The following ALDH2 variants were observed in gnomAD, a reference collection of about 807,000 sequenced individuals.
ALDH2 encodes aldehyde dehydrogenase 2 family member, also known as aldehyde dehydrogenase, mitochondrial.
A neutral mutation model predicts 59.6 loss-of-function variants in ALDH2; 44 were observed. The ratio of observed to expected loss-of-function variants is 0.74; its 90% CI spans 0.58 to 0.95. The LOEUF is 0.95. ALDH2 is among the 40% of genes least tolerant of loss of function. The pLI is 0.00. For synonymous variants in ALDH2, 291 were observed against 284.0 expected, an observed-to-expected ratio of 1.02 and a Z score of -0.25; for missense variants, 570 against 696.3, an observed-to-expected ratio of 0.82 and a Z score of 2.04.
intron 4 of ALDH2, among the ~76,000 whole-genome samples, chr12:111,789,615 C>T (rs1310725215): frequency 6.6e-6 from 1 of 151,880 alleles, no homozygotes; most frequent in African/African-American, 2.4e-5. Context: ...TTTACAAGAA[C>T]CCCAGGCGAT....
At chr12:111,787,328 C>T (rs1278959655) in intron 4 of ALDH2, among the ~76,000 whole-genome samples, 1 of 152,230 alleles carries the variant, frequency 6.6e-6, no homozygotes, top group Non-Finnish European at 1.5e-5. Flanking sequence ...TTCTCCTCAG[C>T]TACACTGGCT....
At chr12:111,800,087 C>A in intron 11 of ALDH2, 24 bp downstream of exon 11, 1 of 1,597,572 alleles carries the variant, frequency 6.3e-7, no homozygotes. Flanking sequence ...AGCAGCCCCT[C>A]ACAACCCAAC....
intron 9 of ALDH2, among the ~76,000 whole-genome samples, chr12:111,794,997 C>G (rs2068391752): frequency 1.3e-5 from 2 of 152,254 alleles, no homozygotes; most frequent in African/African-American, 4.8e-5. Context: ...CCCATTCCTC[C>G]CCCTACCAGG....
intron 10 of ALDH2, 38 bp from the exon 11 acceptor site, chr12:111,799,868 G>C (rs369822900): frequency 6.3e-7 from 1 of 1,587,834 alleles, no homozygotes; most frequent in Non-Finnish European, 8.6e-7. Context: ...AGGTGCCTCC[G>C]TGTTGCCGAA....
chr12:111,771,746 G>T (rs1366961524), intron 1 of ALDH2, among the ~76,000 whole-genome samples: 1 of 152,184 alleles, frequency 6.6e-6, no homozygotes, highest in Non-Finnish European at 1.5e-5. Flanking sequence ...GCCTGAGTGG[G>T]CAGGACAGGA....
chr12:111,792,262 G>A (rs962197192), intron 8 of ALDH2, 99 bp downstream of exon 8: 38 of 945,978 alleles, frequency 4.0e-5, no homozygotes, highest in South Asian at 2.3e-4. Context: ...GCCCAATGGC[G>A]TTGGTTGCTG....
intron 1 of ALDH2, among the ~76,000 whole-genome samples, chr12:111,776,586 G>A (rs1319291681): frequency 2.0e-5 from 3 of 151,710 alleles, no homozygotes; most frequent in Admixed American, 6.6e-5. Context: ...CATGGTGAAA[G>A]CCCATCTCTA....
At chr12:111,784,908 A>C (rs1330312510) in intron 3 of ALDH2, among the ~76,000 whole-genome samples, 1 of 152,196 alleles carries the variant, frequency 6.6e-6, no homozygotes, top group Non-Finnish European at 1.5e-5. Context: ...AGCACTCTTA[A>C]CACATGTGAC....
At chr12:111,806,512 G>T (rs191935085) in intron 12 of ALDH2, among the ~76,000 whole-genome samples, 1 of 152,210 alleles carries the variant, frequency 6.6e-6, no homozygotes, top group Non-Finnish European at 1.5e-5. Flanking sequence ...CAGCTGTGGA[G>T]CAGGTGAGAA....
intron 12 of ALDH2, among the ~76,000 whole-genome samples, chr12:111,804,615 C>T (rs746964889): frequency 2.1e-4 from 32 of 151,996 alleles, no homozygotes; most frequent in South Asian, 6.2e-4. Flanking sequence ...GGTGTGGTGG[C>T]GTGCGCCTGT....
chr12:111,775,761 C>A, intron 1 of ALDH2: 1 of 443,784 alleles, frequency 2.3e-6, no homozygotes, highest in Non-Finnish European at 4.5e-6. Flanking sequence ...GGTTATAAAG[C>A]ATTTGGCCCA....
rs763423158 is a variant in ALDH2, at chr12:111,791,338, G to A, written c.714G>A (p.Val238=). The part of the protein sequence containing the change: ...AGFPPGVVNI[V]PGFGPTAGAA... The stretch of plus-strand genomic sequence containing the variant: ...TTCCCCCTGGTGTGGTCAACATTGT[G>A]CCTGGATTTGGCCCCACGGCTGGGG... The change falls in exon 7 of 13, where the codon GTG becomes GTA. Residue 238 remains valine, a synonymous_variant. Transcript: ENST00000261733. 1.1e-5 allele frequency: 17 copies of A among 1,614,010 alleles called. No homozygotes were observed. Among genetic ancestry groups the A allele is most frequent in the Non-Finnish European group, 1.4e-5 (16 of 1,180,016 alleles).
rs1164016538 is a variant in ALDH2, at chr12:111,767,039, C to T, written c.57C>T (p.Ala19=). Residue 19 remains alanine (A), a synonymous_variant, in exon 1 of 13, where the codon GCC becomes GCT. Transcript: ENST00000261733. Reference sequence around the variant, plus strand: ...GCCTGGGCCGCCGCCTCTTGTCAGCCGCCGCCACCCAGGCCGTGCCTGCCC... The same window carrying T: ...GCCTGGGCCGCCGCCTCTTGTCAGCTGCCGCCACCCAGGCCGTGCCTGCCC... ...GPRLGRRLLS[A]AATQAVPAPN... 4 of 1,527,608 alleles carry T rather than the reference C, an allele frequency of 2.6e-6. No individual in the cohort carries two copies. The highest frequency in any genetic ancestry group is 3.5e-6 in the Non-Finnish European group (4 of 1,143,302). 94.6% of individuals were successfully genotyped at this position (1,527,608 alleles called of 1,614,324 possible).
At chr12:111,792,022 C>T (rs764444201) in intron 7 of ALDH2, 39 bp from the exon 8 acceptor site, 124 of 1,352,662 alleles carry the variant, frequency 9.2e-5, no homozygotes, top group South Asian at 1.4e-4. Flanking sequence ...TCTTTTCTCC[C>T]GGCACTGAGA....
chr12:111,781,065 C>T (rs535214463), intron 1 of ALDH2, among the ~76,000 whole-genome samples: 3 of 152,086 alleles, frequency 2.0e-5, no homozygotes, highest in East Asian at 1.9e-4. Flanking sequence ...GCCATGATCA[C>T]GCCACTGCAC....
chr12:111,792,670 G>C lies in ALDH2; in HGVS notation c.971G>C (p.Arg324Pro). ...GGCCAGTGCTGCTGTGCCGGCTCCC[G>C]GACCTTCGTGCAGGAGGACATCTAT... ...NQGQCCCAGS[R>P]TFVQEDIYDE... The change falls in exon 9 of 13, where the codon CGG (arginine) becomes CCG (proline). Residue 324 changes from arginine to proline, a missense_variant. Transcript: ENST00000261733. The C allele has an allele frequency of 6.2e-7, 1 of 1,610,962 alleles. No individual in the cohort carries two copies. The highest frequency in any genetic ancestry group is 2.2e-5 in the East Asian group (1 of 44,714).
At chr12:111,768,229 A>T (rs1277441987) in intron 1 of ALDH2, among the ~76,000 whole-genome samples, 2 of 151,980 alleles carry the variant, frequency 1.3e-5, no homozygotes, top group Admixed American at 1.3e-4. Flanking sequence ...GTATGTTGTG[A>T]CTCTGGGTGG....
rs187335908 is a variant in ALDH2 at position 111,809,587 on chromosome 12, G to C, written c.*12G>C. 10 of 1,613,916 alleles carry C rather than the reference G, an allele frequency of 6.2e-6. No homozygotes were observed. The highest frequency in any genetic ancestry group is 8.5e-6 in the Non-Finnish European group (10 of 1,179,990). On this transcript the variant is annotated 3_prime_UTR_variant, in exon 13 of 13. Coordinates refer to ENST00000261733, the MANE Select transcript of ALDH2 (RefSeq NM_000690.4). ...AGAAGAACTCATAAGAATCATGCAA[G>C]CTTCCTCCCTCAGCCATTGATGGAA...
chr12:111,792,828 G>A, intron 9 of ALDH2, 46 bp downstream of exon 9: 1 of 1,518,614 alleles, frequency 6.6e-7, no homozygotes, highest in East Asian at 2.5e-5. Context: ...GAGCCAGCAT[G>A]AGAAGCAGAG....
Sources: gnomAD v4.1 joint callset for allele counts (sites outside exome capture counted in the v4.1 genomes callset) on GRCh38, gnomAD v4.1.1 for gene constraint, MANE v1.5 for transcripts, NCBI Gene and HGNC (gene_info 2026-07-23, HGNC 2026-07-21) for gene names.